PRELID2: variants seen among roughly 807,000 people sequenced by gnomAD.
The protein encoded by PRELID2 is PRELI domain containing 2.
PRELID2 carries 25 observed loss-of-function variants against 28.4 expected under a neutral mutation model. The observed-to-expected ratio is 0.88, with a 90% CI of 0.64 to 1.23. The LOEUF is 1.23. Ranked by LOEUF, PRELID2 falls within the 50% of genes most tolerant of loss-of-function variation. PRELID2 has a pLI of 0.00. For missense variants in PRELID2, 201 were observed against 214.4 expected, an observed-to-expected ratio of 0.94 and a Z score of 0.39; for synonymous variants, 76 against 71.6, an observed-to-expected ratio of 1.06 and a Z score of -0.31.
the PRELID2 span, among the ~76,000 whole-genome samples, chr5:145,438,869 T>C: frequency 6.6e-6 from 1 of 152,150 alleles, no homozygotes; most frequent in Admixed American, 6.6e-5. Context: ...CCAGAGCTTT[T>C]ATATTGCCTC....
rs1190988389 is a variant in PRELID2, at chr5:145,637,837, G to A, written n.70+127094C>T. Among the ~76,000 whole-genome samples, 4 of 144,682 alleles carry A rather than the reference G, an allele frequency of 2.8e-5. 1 individual carries two copies. In the Middle Eastern group the frequency reaches 0.011, roughly 382 times the overall value. 94.9% of individuals were successfully genotyped at this position (144,682 alleles called of 152,430 possible). A position where few individuals can be genotyped will look rare whatever the true frequency, so the allele number is the denominator to read the frequency against. On this transcript the variant is annotated intron_variant and non_coding_transcript_variant, in intron 1 of 2. Transcript: ENST00000510259. ...TTTTTTTTTTTTTTTTTGAGATGGA[G>A]TCTTGCTCTCTCTCCCAGGCTAGAG...
intron 1 of PRELID2, among the ~76,000 whole-genome samples, chr5:145,606,134 C>T (rs1254867421): frequency 6.6e-6 from 1 of 152,052 alleles, no homozygotes; most frequent in Non-Finnish European, 1.5e-5. Context: ...TGAAATTTTG[C>T]TGAAGTTATT....
chr5:145,461,183 C>A, the PRELID2 span, among the ~76,000 whole-genome samples: 1 of 152,098 alleles, frequency 6.6e-6, no homozygotes, highest in Non-Finnish European at 1.5e-5. Flanking sequence ...TTCTTTTATT[C>A]CATTTTTAGC....
the PRELID2 span, among the ~76,000 whole-genome samples, chr5:145,455,438 G>A: frequency 6.6e-6 from 1 of 152,084 alleles, no homozygotes; most frequent in Non-Finnish European, 1.5e-5. Context: ...CTCTTTTTTG[G>A]TTCCATATGA....
At chr5:145,777,199 G>A (rs1758463637) in intron 5 of PRELID2, among the ~76,000 whole-genome samples, 1 of 152,064 alleles carries the variant, frequency 6.6e-6, no homozygotes, top group South Asian at 2.1e-4. Context: ...AAATGAGGGG[G>A]AATTTCCTTT....
At chr5:145,371,997 T>A in the PRELID2 span, among the ~76,000 whole-genome samples, 1 of 151,948 alleles carries the variant, frequency 6.6e-6, no homozygotes, top group Non-Finnish European at 1.5e-5. Context: ...AGCTTTGGGA[T>A]TAGTTTGTTC....
intron 1 of PRELID2, among the ~76,000 whole-genome samples, chr5:145,556,290 T>C (rs571360568): frequency 2.0e-5 from 3 of 152,256 alleles, no homozygotes; most frequent in East Asian, 1.9e-4. Context: ...TAATGTGTAA[T>C]TGAATAAATT....
chr5:145,373,946 GATATT>G, the PRELID2 span, among the ~76,000 whole-genome samples: 3 of 137,434 alleles, frequency 2.2e-5, no homozygotes, highest in African/African-American at 8.2e-5. Flanking sequence ...TAATATATAT[GATATT>G]ATATGTTATA....
At chr5:145,748,713 G>A (rs986306439) in intron 1 of PRELID2, among the ~76,000 whole-genome samples, 1 of 152,172 alleles carries the variant, frequency 6.6e-6, no homozygotes, top group South Asian at 2.1e-4. Context: ...CACGCTACCT[G>A]ACTTCAAACT....
rs145749224 is a variant in PRELID2, at chr5:145,578,044, C to A, written n.71-104729G>T. 3.0e-3 allele frequency among the ~76,000 whole-genome samples: 459 copies of A among 152,094 alleles called. 2 individuals carry two copies. The highest frequency in any genetic ancestry group is 0.011 in the African/African-American group (444 of 41,520). On this transcript the variant is annotated intron_variant and non_coding_transcript_variant, in intron 1 of 2. Coordinates refer to the PRELID2 transcript ENST00000510259. ...AGAAAATTTTTCTTACTAATTTCCC[C>A]AACATTCTGCAGTTTCAACTTTTGG...
chr5:145,804,218 T>C (rs766792059), intron 4 of PRELID2, among the ~76,000 whole-genome samples: 1 of 152,182 alleles, frequency 6.6e-6, no homozygotes, highest in African/African-American at 2.4e-5. Flanking sequence ...TAAAACATGG[T>C]ATTTAAGAAT....
chr5:145,647,364 T>TC (rs1357799636), intron 1 of PRELID2, among the ~76,000 whole-genome samples: 3 of 151,992 alleles, frequency 2.0e-5, no homozygotes, highest in Non-Finnish European at 4.4e-5. Context: ...TCGACGCACC[T>TC]CCCCCCACCA....
intron 1 of PRELID2, among the ~76,000 whole-genome samples, chr5:145,594,831 G>T (rs954841292): frequency 3.9e-5 from 6 of 152,026 alleles, no homozygotes; most frequent in Non-Finnish European, 8.8e-5. Flanking sequence ...TAAAGTTTAA[G>T]AAGAGTCATA....
chr5:145,581,350 C>T (rs1753105820), intron 1 of PRELID2, among the ~76,000 whole-genome samples: 3 of 152,060 alleles, frequency 2.0e-5, no homozygotes, highest in African/African-American at 7.2e-5. Flanking sequence ...TATGTCTTCT[C>T]CTCTGCTTTC....
chr5:145,467,444 TA>T (rs1262996779), downstream of PRELID2, among the ~76,000 whole-genome samples: 3 of 151,842 alleles, frequency 2.0e-5, no homozygotes, highest in African/African-American at 7.3e-5. Flanking sequence ...ATGCTAATCC[TA>T]AAAAAAAGAA....
chr5:145,798,658 T>C (rs555456217), intron 4 of PRELID2, among the ~76,000 whole-genome samples: 1 of 152,234 alleles, frequency 6.6e-6, no homozygotes, highest in East Asian at 1.9e-4. Flanking sequence ...ATTCAGAAAA[T>C]GTGGCACATA....
chr5:145,269,786 G>A, the PRELID2 span, among the ~76,000 whole-genome samples: 36 of 149,070 alleles, frequency 2.4e-4, no homozygotes, highest in African/African-American at 8.6e-4. Flanking sequence ...AACTAAAACA[G>A]CATTGATAGA....
At chr5:145,752,557 A>G (rs545237007), downstream of PRELID2, among the ~76,000 whole-genome samples, 2 of 152,244 alleles carry the variant, frequency 1.3e-5, no homozygotes, top group Admixed American at 1.3e-4. Flanking sequence ...AACACTATAG[A>G]CCTCCATGCT....
At chr5:145,342,147 C>A in the PRELID2 span, among the ~76,000 whole-genome samples, 1 of 152,184 alleles carries the variant, frequency 6.6e-6, no homozygotes, top group Non-Finnish European at 1.5e-5. Flanking sequence ...AAGAATACTA[C>A]ATTCAGCAAA....
Sources: gnomAD v4.1 joint callset for allele counts (sites outside exome capture counted in the v4.1 genomes callset) on GRCh38, gnomAD v4.1.1 for gene constraint, MANE v1.5 for transcripts, NCBI Gene and HGNC (gene_info 2026-07-23, HGNC 2026-07-21) for gene names.